CSMD1: variants seen among roughly 807,000 people sequenced by gnomAD.
The protein encoded by CSMD1 is CUB and Sushi multiple domains 1, also known as CUB and sushi domain-containing protein 1.
CSMD1 carries 213 observed loss-of-function variants against 417.5 expected under a neutral mutation model. The ratio of observed to expected loss-of-function variants is 0.51; its 90% CI spans 0.46 to 0.57. The LOEUF (loss-of-function observed/expected upper bound fraction) is 0.57, where lower values mean the gene tolerates loss of function less well. Ranked by LOEUF, CSMD1 falls within the 20% of genes least tolerant of loss-of-function variation. CSMD1 has a pLI of 0.00. For missense variants in CSMD1, 6,923 were observed against 4,529.7 expected (o/e 1.53, Z -15.17); for synonymous variants, 2,862 against 1,736.8 (o/e 1.65, Z -16.11).
chr8:4,591,855 G>C (rs985310491), intron 2 of CSMD1, among the ~76,000 whole-genome samples: 5 of 152,288 alleles, frequency 3.3e-5, no homozygotes, highest in East Asian at 1.9e-4. Flanking sequence ...AGGCAGAGGG[G>C]AGAAAGTAAT....
At chr8:4,791,214 G>T (rs750223188) in intron 1 of CSMD1, among the ~76,000 whole-genome samples, 4 of 151,432 alleles carry the variant, frequency 2.6e-5, no homozygotes, top group Non-Finnish European at 4.4e-5. Flanking sequence ...GTGCGTGGAA[G>T]AAGCAGAGGC....
In CSMD1 at chr8:4,135,295, C is replaced by T. The variant is rs183308100; in HGVS notation, c.416-103196G>A. ...AACCATTAGAAGGAGGGAAGGAAGA[C>T]AGAAGAAAGGAAGAAAGGAGGGAGG... is the stretch of plus-strand genomic sequence containing the variant. On this transcript the variant is annotated intron_variant, in intron 3 of 69. Transcript: ENST00000635120. Among the ~76,000 whole-genome samples the T allele has an allele frequency of 7.0e-3, 939 of 133,566 alleles. 7 individuals carry two copies. Among genetic ancestry groups the T allele is most frequent in the African/African-American group, 0.025 (878 of 35,692 alleles). The allele number at this position is 133,566 out of a possible 152,430, so 87.6% of individuals were successfully genotyped here. A position where few individuals can be genotyped will look rare whatever the true frequency, so the allele number is the denominator to read the frequency against.
In CSMD1 at chr8:3,292,920, C is replaced by T. The variant is rs1222307581; in HGVS notation, c.3951-8574G>A. ...TTAGTTGATGCAGTTTCTTCCTAGTCTCGATGGTCTTTACATTTTGGCATG... is the reference window on the plus strand; with the variant it reads ...TTAGTTGATGCAGTTTCTTCCTAGTTTCGATGGTCTTTACATTTTGGCATG... On this transcript the variant is annotated intron_variant, in intron 25 of 69. Coordinates refer to ENST00000635120, the MANE Select transcript of CSMD1 (RefSeq NM_033225.6). Among the ~76,000 whole-genome samples, 7 of 151,894 alleles carry T rather than the reference C, an allele frequency of 4.6e-5. No homozygotes were observed. The East Asian group carries it at 1.4e-3, about 29-fold the overall frequency.
At chr8:4,909,538 T>C (rs1233611012) in intron 1 of CSMD1, among the ~76,000 whole-genome samples, 12 of 152,280 alleles carry the variant, frequency 7.9e-5, no homozygotes, top group Admixed American at 6.5e-4. Context: ...GGATCTAGGA[T>C]ACTTCACAAT....
rs544464617 is a variant in CSMD1, at chr8:3,581,135, A to G, written c.1222+5001T>C. ...AGCATTAAAGAAGTTCTCTACATAA[A>G]TCGCCCCTAAAGACTGATGGAATGA... On this transcript the variant is annotated intron_variant, in intron 9 of 69. Transcript: ENST00000635120. Among the ~76,000 whole-genome samples, 5 of 152,222 alleles carry G rather than the reference A, an allele frequency of 3.3e-5. No homozygotes were observed. In the South Asian group the frequency reaches 6.2e-4, roughly 19 times the overall value.
intron 7 of CSMD1, among the ~76,000 whole-genome samples, chr8:3,655,192 T>C (rs1005269374): frequency 6.6e-6 from 1 of 152,350 alleles, no homozygotes; most frequent in Non-Finnish European, 1.5e-5. Flanking sequence ...GATTATTTTT[T>C]GGTCAAAACC....
chr8:3,399,834 G>A (rs17066009), intron 15 of CSMD1, among the ~76,000 whole-genome samples: 14,820 of 152,138 alleles, frequency 0.097, 775 homozygotes, highest in Middle Eastern at 0.13. Flanking sequence ...TTACGTACAT[G>A]CCCGGTTATC....
At chr8:4,818,333 T>C (rs976164320) in intron 1 of CSMD1, among the ~76,000 whole-genome samples, 1 of 152,164 alleles carries the variant, frequency 6.6e-6, no homozygotes, top group Non-Finnish European at 1.5e-5. Flanking sequence ...AAGTATAAAT[T>C]TGAGCATTGC....
chr8:4,394,300 A>G (rs1804058830), intron 3 of CSMD1, among the ~76,000 whole-genome samples: 1 of 152,130 alleles, frequency 6.6e-6, no homozygotes, highest in Admixed American at 6.5e-5. Context: ...AAAAATGTTT[A>G]CCCTCCTATG....
chr8:2,969,772 T>C (rs554129289), intron 57 of CSMD1, among the ~76,000 whole-genome samples: 11 of 152,308 alleles, frequency 7.2e-5, no homozygotes, highest in African/African-American at 2.2e-4. Context: ...AATGAAAACC[T>C]ACAGATTCTC....
In CSMD1 at chr8:4,047,004, A is replaced by G. The variant is rs559675261; in HGVS notation, c.416-14905T>C. Among the ~76,000 whole-genome samples, 6 of 152,274 alleles carry G rather than the reference A, an allele frequency of 3.9e-5. No individual in the cohort carries two copies. The South Asian group carries it at 1.2e-3, about 32-fold the overall frequency. ...TTTCCAGAACCCTCCCTGATGCATGACTTAGCCCTATAGGGTTGTGACATA... is the reference window on the plus strand; with the variant it reads ...TTTCCAGAACCCTCCCTGATGCATGGCTTAGCCCTATAGGGTTGTGACATA... On this transcript the variant is annotated intron_variant, in intron 3 of 69. Transcript: ENST00000635120.
intron 2 of CSMD1, among the ~76,000 whole-genome samples, chr8:4,552,866 A>T (rs1157558108): frequency 1.3e-5 from 2 of 152,168 alleles, no homozygotes; most frequent in Non-Finnish European, 2.9e-5. Flanking sequence ...AATCTAGCTG[A>T]GAAGCTCTTC....
Position 3,507,924 on chromosome 8 carries a change from T to C in CSMD1, c.1345-14198A>G, listed in dbSNP as rs561170141. 2.0e-5 allele frequency among the ~76,000 whole-genome samples: 3 copies of C among 152,248 alleles called. No individual in the cohort carries two copies. In the South Asian group the frequency reaches 6.2e-4, roughly 32 times the overall value. ...GGATATTAGCCCTTTGTCAGATGAG[T>C]AGGTTGCAAAAAGTTTCTCCCATTC... On this transcript the variant is annotated intron_variant, in intron 10 of 69. Coordinates refer to ENST00000635120, the MANE Select transcript of CSMD1 (RefSeq NM_033225.6).
chr8:4,213,961 T>A (rs1585035403), intron 3 of CSMD1, among the ~76,000 whole-genome samples: 4 of 152,310 alleles, frequency 2.6e-5, no homozygotes, highest in African/African-American at 9.6e-5. Flanking sequence ...CACAGTGCAT[T>A]TAACACATGG....
intron 1 of CSMD1, among the ~76,000 whole-genome samples, chr8:4,897,413 T>A (rs1804569367): frequency 6.6e-6 from 1 of 152,176 alleles, no homozygotes; most frequent in Admixed American, 6.5e-5. Flanking sequence ...ACAACAAATA[T>A]GACTTACCAA....
intron 2 of CSMD1, among the ~76,000 whole-genome samples, chr8:4,555,052 G>A (rs897169365): frequency 3.3e-5 from 5 of 152,152 alleles, no homozygotes; most frequent in African/African-American, 9.7e-5. Flanking sequence ...GCCAGCCCAC[G>A]CAATTCCAAG....
At chr8:2,943,233 T>A (rs1318526345) in intron 68 of CSMD1, among the ~76,000 whole-genome samples, 1 of 151,688 alleles carries the variant, frequency 6.6e-6, no homozygotes, top group African/African-American at 2.4e-5. Context: ...AATTTTTCTT[T>A]TTTTTTTTTT....
intron 8 of CSMD1, chr8:3,598,291 G>T (rs1434502512): frequency 6.6e-6 from 1 of 152,228 alleles, no homozygotes; most frequent in East Asian, 1.9e-4. Flanking sequence ...AGACCTGCTC[G>T]GCTTCCTCGC....
rs1436171540 is a variant in CSMD1 at position 2,962,633 on chromosome 8, A to G, written c.9461T>C (p.Phe3154Ser). 6.2e-7 allele frequency: 1 copy of G among 1,613,704 alleles called. No homozygotes were observed. The highest frequency in any genetic ancestry group is 1.7e-5 in the Admixed American group (1 of 60,010). ...KGEIPQCLPVFCGDPGIPAEG... is the reference protein window; with the variant it reads ...KGEIPQCLPVSCGDPGIPAEG... ...TGCGGGGATGCCAGGGTCTCCGCAG[A>G]ACACAGCTATGGAAGATAACCAGGA... Residue 3154 changes from phenylalanine (F) to serine (S), a missense_variant, in exon 61 of 70, where the codon TTC becomes TCC. Coordinates refer to ENST00000635120, the MANE Select transcript of CSMD1 (RefSeq NM_033225.6).
Sources: gnomAD v4.1 joint callset for allele counts (sites outside exome capture counted in the v4.1 genomes callset) on GRCh38, gnomAD v4.1.1 for gene constraint, MANE v1.5 for transcripts, NCBI Gene and HGNC (gene_info 2026-07-23, HGNC 2026-07-21) for gene names.